The following ZC3H12B variants were observed in gnomAD, a reference collection of about 807,000 sequenced individuals.
The protein encoded by ZC3H12B is probable ribonuclease ZC3H12B.
In ZC3H12B, 7 loss-of-function variants were observed where a neutral mutation model predicts 43.9. That is an observed-to-expected ratio of 0.16 (90% confidence interval 0.09 to 0.30). ZC3H12B has a LOEUF of 0.30. Ranked by LOEUF, ZC3H12B falls within the 10% of genes least tolerant of loss-of-function variation. ZC3H12B has a pLI of 1.00. For synonymous variants in ZC3H12B, 222 were observed against 241.7 expected, an observed-to-expected ratio of 0.92 and a Z score of 0.76; for missense variants, 475 against 670.2, an observed-to-expected ratio of 0.71 and a Z score of 3.22.
chrX:65,280,399 A>G, the ZC3H12B span, among the ~76,000 whole-genome samples: 1 of 112,136 alleles, frequency 8.9e-6, no homozygotes, highest in African/African-American at 3.2e-5. Flanking sequence ...GGCAAATAAC[A>G]TGATGAAGAT....
chrX:65,418,795 C>G (rs1323935390), intron 3 of ZC3H12B, among the ~76,000 whole-genome samples: 1 of 111,668 alleles, frequency 9.0e-6, no homozygotes, highest in Non-Finnish European at 1.9e-5. Flanking sequence ...AGTATACAGA[C>G]CCAGAACCCC....
chrX:65,384,513 A>G (rs962227144), intron 2 of ZC3H12B, among the ~76,000 whole-genome samples: 2 of 111,220 alleles, frequency 1.8e-5, no homozygotes, highest in Non-Finnish European at 3.8e-5. Context: ...AAAGTATAAT[A>G]ATAATAAATA....
chrX:65,228,263 A>G, the ZC3H12B span, among the ~76,000 whole-genome samples: 4 of 112,230 alleles, frequency 3.6e-5, no homozygotes, highest in Admixed American at 9.4e-5. Flanking sequence ...CAGCATATAA[A>G]CAGAAACAAA....
chrX:65,054,721 A>T, the ZC3H12B span, among the ~76,000 whole-genome samples: 2 of 111,946 alleles, frequency 1.8e-5, no homozygotes, highest in Non-Finnish European at 3.8e-5. Context: ...ATCCATGAGC[A>T]TGGAATGTTC....
chrX:65,163,616 C>T, the ZC3H12B span, among the ~76,000 whole-genome samples: 109 of 111,897 alleles, frequency 9.7e-4, 1 homozygote, highest in African/African-American at 3.4e-3. Flanking sequence ...TTTTTAAGCC[C>T]GTCAGAAAAG....
chrX:65,352,541 T>C, the ZC3H12B span, among the ~76,000 whole-genome samples: 1 of 110,753 alleles, frequency 9.0e-6, no homozygotes, highest in Non-Finnish European at 1.9e-5. Flanking sequence ...TTTTCGGGGG[T>C]GATAAAATCT....
At chrX:65,151,065 A>T in the ZC3H12B span, among the ~76,000 whole-genome samples, 3 of 112,353 alleles carry the variant, frequency 2.7e-5, no homozygotes, top group East Asian at 8.3e-4. Flanking sequence ...AAATTTAGTC[A>T]TTTATAATTT....
At chrX:65,169,403 T>A in the ZC3H12B span, among the ~76,000 whole-genome samples, 4 of 112,047 alleles carry the variant, frequency 3.6e-5, no homozygotes, top group African/African-American at 1.3e-4. Context: ...GAGAGACAGT[T>A]TGTTATAATT....
chrX:65,075,721 C>T, the ZC3H12B span, among the ~76,000 whole-genome samples: 1 of 111,782 alleles, frequency 8.9e-6, no homozygotes, highest in South Asian at 3.8e-4. Context: ...CAGTAGCCTT[C>T]AACCTAGCAC....
the ZC3H12B span, among the ~76,000 whole-genome samples, chrX:65,246,299 T>C: frequency 2.7e-5 from 3 of 112,102 alleles, no homozygotes; most frequent in Non-Finnish European, 5.6e-5. Flanking sequence ...TGCTCATAGA[T>C]AGGAATAATC....
intron 3 of ZC3H12B, among the ~76,000 whole-genome samples, chrX:65,467,754 G>C (rs967382607): frequency 3.5e-4 from 39 of 111,956 alleles, no homozygotes; most frequent in African/African-American, 1.2e-3. Flanking sequence ...ATCTCCTTTT[G>C]AGAAATGTCT....
At chrX:65,225,651 T>C in the ZC3H12B span, among the ~76,000 whole-genome samples, 3 of 111,724 alleles carry the variant, frequency 2.7e-5, no homozygotes, top group African/African-American at 9.8e-5. Flanking sequence ...AATGTATAAC[T>C]AGAATAACCA....
the ZC3H12B span, among the ~76,000 whole-genome samples, chrX:65,231,591 C>G: frequency 9.0e-6 from 1 of 111,179 alleles, no homozygotes; most frequent in Non-Finnish European, 1.9e-5. Flanking sequence ...TCTCCAGGGT[C>G]TCAATTATTA....
chrX:65,446,472 C>A (rs946564927), intron 3 of ZC3H12B, among the ~76,000 whole-genome samples: 4 of 111,602 alleles, frequency 3.6e-5, no homozygotes, highest in Non-Finnish European at 7.5e-5. Context: ...TATTTAGGAT[C>A]CCAAAACGCT....
the ZC3H12B span, among the ~76,000 whole-genome samples, chrX:65,120,092 C>G: frequency 1.8e-5 from 2 of 111,906 alleles, no homozygotes; most frequent in African/African-American, 3.2e-5. Context: ...ATGCCTCTAG[C>G]TTTGTTCTTT....
the ZC3H12B span, among the ~76,000 whole-genome samples, chrX:65,218,884 C>CA: frequency 1.8e-5 from 2 of 112,044 alleles, no homozygotes; most frequent in Non-Finnish European, 3.8e-5. Flanking sequence ...GTGCACTTAA[C>CA]AAAAAATGAA....
chrX:65,413,424 C>T (rs2066926849), intron 3 of ZC3H12B, among the ~76,000 whole-genome samples: 2 of 111,989 alleles, frequency 1.8e-5, no homozygotes, highest in African/African-American at 6.5e-5. Flanking sequence ...ATGGTTTTCA[C>T]TCATATATGG....
At chrX:65,394,153 C>T (rs1180605030) in intron 2 of ZC3H12B, among the ~76,000 whole-genome samples, 1 of 111,981 alleles carries the variant, frequency 8.9e-6, no homozygotes, top group African/African-American at 3.2e-5. Flanking sequence ...CTGTAGGTTG[C>T]CTGTTCACTC....
chrX:65,158,447 T>A, the ZC3H12B span, among the ~76,000 whole-genome samples: 3 of 111,951 alleles, frequency 2.7e-5, no homozygotes, highest in Admixed American at 9.5e-5. Context: ...GTTTCCTGAC[T>A]TTTAATGATT....
Sources: allele counts gnomAD v4.1 joint callset (sites outside exome capture counted in the v4.1 genomes callset), GRCh38; gene constraint gnomAD v4.1.1; transcripts MANE v1.5; gene names NCBI Gene and HGNC (gene_info 2026-07-23, HGNC 2026-07-21).